ZDHHC5: variants seen among roughly 807,000 people sequenced by gnomAD.
ZDHHC5 encodes palmitoyltransferase ZDHHC5.
Under a neutral mutation model 70.0 loss-of-function variants are expected in ZDHHC5, and 22 were observed. The ratio of observed to expected loss-of-function variants is 0.31; its 90% CI spans 0.22 to 0.45. ZDHHC5 has a LOEUF of 0.45. Ranked by LOEUF, ZDHHC5 falls within the 20% of genes least tolerant of loss-of-function variation. The probability of loss-of-function intolerance (pLI) is 1.00; values close to 1 mark genes in which losing one functional copy is unlikely to be tolerated. For synonymous variants in ZDHHC5, 313 were observed against 347.8 expected (o/e 0.90, Z 1.11); for missense variants, 746 against 926.9 (o/e 0.80, Z 2.53).
At chr11:57,687,756 G>GTTTTTTTTT (rs746146074) in intron 3 of ZDHHC5, among the ~76,000 whole-genome samples, 2 of 75,274 alleles carry the variant, frequency 2.7e-5, no homozygotes, top group African/African-American at 1.0e-4. Context: ...TTTTGGGAAA[G>GTTTTTTTTT]TTTTTTTTTT....
intron 4 of ZDHHC5, 32 bp from the exon 5 acceptor site, chr11:57,689,999 G>T (rs780370559): frequency 6.2e-7 from 1 of 1,610,518 alleles, no homozygotes; most frequent in Non-Finnish European, 8.5e-7. Flanking sequence ...ATGGTCCAGG[G>T]ATGCCTCTCA....
intron 10 of ZDHHC5, among the ~76,000 whole-genome samples, chr11:57,697,917 C>T (rs2926656): frequency 0.32 from 48,201 of 151,126 alleles, 7,953 homozygotes; most frequent in African/African-American, 0.35. Context: ...ACGGACCACC[C>T]GAGGTCAGGA....
chr11:57,692,546 T>C lies in ZDHHC5; in HGVS notation c.661-65T>C, dbSNP rs572902029. On this transcript the variant is annotated intron_variant, in intron 6 of 11. Transcript: ENST00000287169. Reference sequence around the variant, plus strand: ...GAGTGCACAATAACTTGTAATAGATTTGTATTTTGGCCTTTGGAAGTCAAG... The same window carrying C: ...GAGTGCACAATAACTTGTAATAGATCTGTATTTTGGCCTTTGGAAGTCAAG... The C allele has an allele frequency of 3.5e-5, 49 of 1,394,888 alleles. No individual in the cohort carries two copies. The African/African-American group carries it at 5.0e-4, about 14-fold the overall frequency. 86.4% of individuals were successfully genotyped at this position (1,394,888 alleles called of 1,614,324 possible).
At chr11:57,698,360 G>A (rs192920386) in intron 10 of ZDHHC5, among the ~76,000 whole-genome samples, 199 bp from the exon 11 acceptor site, 5 of 152,244 alleles carry the variant, frequency 3.3e-5, no homozygotes, top group African/African-American at 7.2e-5. Context: ...GCCTTTCTAC[G>A]TCTTGCTTTC....
rs770350212 is a variant in ZDHHC5 at position 57,699,036 on chromosome 11, G to A, written c.1600G>A (p.Asp534Asn). Residue 534 changes from aspartate (D) to asparagine (N), a missense_variant, in exon 11 of 12, where the codon GAC becomes AAC. By Grantham distance (23) the Asp-to-Asn change is conservative. This residue lies in a region of ZDHHC5 where 340 missense variants were observed against 350.1 expected (regional missense o/e 0.97). Transcript: ENST00000287169. ...THREPSPVRY[D>N]NLSRHIVASL... ...CCGAGAGCCCTCACCAGTCCGTTAC[G>A]ACAATCTGTCGCGCCACATTGTGGC... 18 of 1,611,502 alleles carry A rather than the reference G, an allele frequency of 1.1e-5. No individual in the cohort carries two copies. The highest frequency in any genetic ancestry group is 9.3e-5 in the African/African-American group (7 of 75,038).
intron 4 of ZDHHC5, among the ~76,000 whole-genome samples, chr11:57,689,148 T>G (rs1174826856): frequency 6.6e-6 from 1 of 152,216 alleles, no homozygotes; most frequent in Admixed American, 6.5e-5. Context: ...CATGCTGTTG[T>G]GTTTCAATTT....
At position 57,699,289 on chromosome 11, in the gene ZDHHC5, G is replaced by A. The variant is rs1434623901; in HGVS notation, c.1853G>A (p.Gly618Glu). The change falls in exon 11 of 12, where the codon GGA becomes GAA. Residue 618 changes from glycine (G) to glutamate (E), a missense_variant. Physicochemically the swap from Gly to Glu is moderately conservative, Grantham distance 98. Coordinates refer to ENST00000287169, the MANE Select transcript of ZDHHC5 (RefSeq NM_015457.3). The stretch of plus-strand genomic sequence containing the variant: ...AAGCCAGATGGGCTAAGGGGCCGGG[G>A]AGTAGGGTCCCCTGAACCAGGCCCA... ...FGKPDGLRGR[G>E]VGSPEPGPTA... 6.2e-6 allele frequency: 10 copies of A among 1,614,240 alleles called. No individual in the cohort carries two copies. Among genetic ancestry groups the A allele is most frequent in the Admixed American group, 1.7e-5 (1 of 60,034 alleles).
chr11:57,699,778 T>A (rs1946415670), intron 11 of ZDHHC5, 88 bp from the exon 12 acceptor site: 1 of 1,531,498 alleles, frequency 6.5e-7, no homozygotes, highest in Non-Finnish European at 9.0e-7. Flanking sequence ...AAGAACATCA[T>A]TTTTTTCTCT....
chr11:57,678,444 G>C (rs1465922436), intron 2 of ZDHHC5, among the ~76,000 whole-genome samples: 1 of 151,778 alleles, frequency 6.6e-6, no homozygotes, highest in Non-Finnish European at 1.5e-5. Flanking sequence ...GGTGGTGGGC[G>C]CCTGTAGTCC....
chr11:57,699,787 C>T (rs1481373950), intron 11 of ZDHHC5, 79 bp from the exon 12 acceptor site: 10 of 1,565,204 alleles, frequency 6.4e-6, no homozygotes, highest in East Asian at 4.5e-5. Context: ...ATTTTTTTCT[C>T]TGAACCTTTG....
chr11:57,693,382 C>T (rs1216022866), intron 7 of ZDHHC5, among the ~76,000 whole-genome samples: 1 of 152,148 alleles, frequency 6.6e-6, no homozygotes, highest in African/African-American at 2.4e-5. Flanking sequence ...TGATAATGCT[C>T]ACTGGCCCAC....
chr11:57,689,576 C>T lies in ZDHHC5; in HGVS notation c.385-455C>T, dbSNP rs944043518. On this transcript the variant is annotated intron_variant, in intron 4 of 11. Transcript: ENST00000287169. ...TATTTTTAGTAGAGATGGGGTTTCA[C>T]CATGTTGGTCAGGCTGGTCTTGAAC... is the stretch of plus-strand genomic sequence containing the variant. Among the ~76,000 whole-genome samples, 41 of 152,016 alleles carry T rather than the reference C, an allele frequency of 2.7e-4. 1 individual carries two copies. Among genetic ancestry groups the T allele is most frequent in the Non-Finnish European group, 4.1e-4 (28 of 68,008 alleles).
chr11:57,700,150 T>A lies in ZDHHC5; in HGVS notation c.*119T>A, dbSNP rs1946422220. On this transcript the variant is annotated 3_prime_UTR_variant, in exon 12 of 12. Transcript: ENST00000287169. ...CATGGACATTTTTTAAACCACCGAT[T>A]CCAAGAGGATGAGGAGTGTTTTCTA... 7.7e-7 allele frequency: 1 copy of A among 1,302,966 alleles called. No individual in the cohort carries two copies. Among genetic ancestry groups the A allele is most frequent in the African/African-American group, 1.5e-5 (1 of 66,664 alleles). The allele number at this position is 1,302,966 out of a possible 1,614,324, so 80.7% of individuals were successfully genotyped here.
Position 57,700,221 on chromosome 11 carries a change from G to C in ZDHHC5, c.*190G>C, listed in dbSNP as rs1377676938. ...GTCGGAGAGTTGGGGCCCTGAGACTGGGGTAGCAACCCCCCCTTTTATCTT... is the reference window on the plus strand; with the variant it reads ...GTCGGAGAGTTGGGGCCCTGAGACTCGGGTAGCAACCCCCCCTTTTATCTT... On this transcript the variant is annotated 3_prime_UTR_variant, in exon 12 of 12. Coordinates refer to ENST00000287169, the MANE Select transcript of ZDHHC5 (RefSeq NM_015457.3). The C allele has an allele frequency of 4.9e-6, 3 of 611,600 alleles. No individual in the cohort carries two copies. The African/African-American group carries it at 5.7e-5, about 12-fold the overall frequency. The allele number at this position is 611,600 out of a possible 1,614,324, so 37.9% of individuals were successfully genotyped here.
Position 57,688,166 on chromosome 11 carries a change from T to C in ZDHHC5, c.227-342T>C, listed in dbSNP as rs539049534. 3.3e-5 allele frequency among the ~76,000 whole-genome samples: 5 copies of C among 152,350 alleles called. No homozygotes were observed. The South Asian group carries it at 6.2e-4, about 19-fold the overall frequency. On this transcript the variant is annotated intron_variant, in intron 3 of 11. Coordinates refer to ENST00000287169, the MANE Select transcript of ZDHHC5 (RefSeq NM_015457.3). Reference sequence around the variant, plus strand: ...TATAAATGTAGATACTGAACTCTTATGCAAACTCATTATGTATGTGCTTTG... The same window carrying C: ...TATAAATGTAGATACTGAACTCTTACGCAAACTCATTATGTATGTGCTTTG...
At chr11:57,680,145 G>A (rs182481822) in intron 2 of ZDHHC5, among the ~76,000 whole-genome samples, 1 of 152,286 alleles carries the variant, frequency 6.6e-6, no homozygotes, top group Non-Finnish European at 1.5e-5. Flanking sequence ...AGCACTTTGG[G>A]AGGCTGAGGC....
In ZDHHC5 at chr11:57,696,860, C is replaced by T. The variant is rs1946359153; in HGVS notation, c.1109C>T (p.Ser370Phe). 3.7e-6 allele frequency: 6 copies of T among 1,613,892 alleles called. No individual in the cohort carries two copies. The highest frequency in any genetic ancestry group is 5.1e-6 in the Non-Finnish European group (6 of 1,179,844). ...AGTACGTCAGCTGCCATGCCGCATT[C>T]CTCCAGCGCCAAGGTACTGAGTACT... The part of the protein sequence containing the change: ...SSSTSAAMPH[S>F]SSAKLSRGDS... The change falls in exon 10 of 12, where the codon TCC (serine) becomes TTC (phenylalanine). Residue 370 changes from serine to phenylalanine, a missense_variant. Coordinates refer to ENST00000287169, the MANE Select transcript of ZDHHC5 (RefSeq NM_015457.3).
intron 2 of ZDHHC5, among the ~76,000 whole-genome samples, chr11:57,679,596 C>T (rs1946121531): frequency 6.6e-6 from 1 of 152,148 alleles, no homozygotes; most frequent in African/African-American, 2.4e-5. Context: ...TGTGACCACT[C>T]CCTAGGCTTT....
At chr11:57,695,795 C>CAAAAAA in intron 8 of ZDHHC5, 125 bp from the exon 9 acceptor site, 3 of 1,147,572 alleles carry the variant, frequency 2.6e-6, no homozygotes, top group South Asian at 1.7e-5. Flanking sequence ...GACCTTGTCT[C>CAAAAAA]AAAAAAAAAA....
Sources: gnomAD v4.1 joint callset for allele counts (sites outside exome capture counted in the v4.1 genomes callset) on GRCh38, gnomAD v4.1.1 for gene constraint, gnomAD v4.1.1 regional missense constraint, MANE v1.5 for transcripts, NCBI Gene and HGNC (gene_info 2026-07-23, HGNC 2026-07-21) for gene names.